Variants in NKX1-1 observed in about 807,000 individuals in gnomAD.
NKX1-1 encodes NK1 homeobox 1.
NKX1-1 carries 7 observed loss-of-function variants against 1.7 expected under a neutral mutation model. The ratio of observed to expected loss-of-function variants is 4.22; its 90% confidence interval spans 2.40 to 7.92. NKX1-1 has a LOEUF of 7.92. Ranked by LOEUF, NKX1-1 falls within the 30% of genes most tolerant of loss-of-function variation. The pLI is 0.00. For missense variants in NKX1-1, 453 were observed against 171.5 expected (o/e 2.64, Z -9.17); for synonymous variants, 242 against 85.3 (o/e 2.84, Z -10.13).
In NKX1-1 at chr4:1,403,000, C is replaced by G. The variant is rs1413292924; in HGVS notation, c.1279G>C (p.Val427Leu). The G allele has an allele frequency of 1.5e-6, 1 of 645,282 alleles. No individual in the cohort carries two copies. The highest frequency in any genetic ancestry group is 2.8e-6 in the Non-Finnish European group (1 of 361,120). 40.0% of individuals were successfully genotyped at this position (645,282 alleles called of 1,614,324 possible). A position where few individuals can be genotyped will look rare whatever the true frequency, so the allele number is the denominator to read the frequency against. The change falls in exon 2 of 2, where the codon GTG becomes CTG. Residue 427 changes from valine to leucine, a missense_variant. Physicochemically the swap from Val to Leu is conservative, Grantham distance 32. Coordinates refer to ENST00000422806, the MANE Select transcript of NKX1-1 (RefSeq NM_001290079.1). ...GAGCCCAGCACGAAGGGCGAGAGCA[C>G]CGCCGGGCTCGACAGGAACGGCAGC... ...AQLPFLSSPA[V>L]LSPFVLGSQT...
At position 1,403,737 on chromosome 4, in the gene NKX1-1, C is replaced by T. The variant is rs995111487; in HGVS notation, c.542G>A (p.Ser181Asn). The stretch of plus-strand genomic sequence containing the variant: ...CTCGTCCCCGCTGTCCGCGCTCGGG[C>T]TGTGGCCGCCGCCGCCGCTGCTGTA... ...NGYSSGGGGH[S>N]PSADSGDEVP... Residue 181 changes from serine to asparagine, a missense_variant, in exon 2 of 2, where the codon AGC becomes AAC. Ser to Asn is a conservative substitution (Grantham distance 46). Coordinates refer to ENST00000422806, the MANE Select transcript of NKX1-1 (RefSeq NM_001290079.1). 3 of 686,662 alleles carry T rather than the reference C, an allele frequency of 4.4e-6. No individual in the cohort carries two copies. Among genetic ancestry groups the T allele is most frequent in the Non-Finnish European group, 7.9e-6 (3 of 379,638 alleles). The allele number at this position is 686,662 out of a possible 1,614,324, so 42.5% of individuals were successfully genotyped here.
rs1228219077 is a variant in NKX1-1 at position 1,403,617 on chromosome 4, C to T, written c.662G>A (p.Gly221Glu). The T allele has an allele frequency of 6.0e-6, 3 of 500,130 alleles. No individual in the cohort carries two copies. The highest frequency in any genetic ancestry group is 1.0e-5 in the Non-Finnish European group (3 of 290,140). The allele number at this position is 500,130 out of a possible 1,614,324, so 31.0% of individuals were successfully genotyped here. A position where few individuals can be genotyped will look rare whatever the true frequency, so the allele number is the denominator to read the frequency against. The change falls in exon 2 of 2, where the codon GGG (glycine) becomes GAG (glutamate). Residue 221 changes from glycine to glutamate, a missense_variant. Physicochemically the swap from Gly to Glu is moderately conservative, Grantham distance 98. Transcript: ENST00000422806. ...GCCCTGGCAACCCGACCCGCGGGCC[C>T]CGAGGCCGCCGCCGCCTCCCCGCGC... Reference protein sequence around the residue: ...EEARGGGGGLGARGSGCQGAA... With the variant: ...EEARGGGGGLEARGSGCQGAA...
In NKX1-1 at chr4:1,403,179, C is replaced by A; in HGVS notation, c.1100G>T (p.Gly367Val). ...GADTSAPTGG[G>V]GGPGPGAGPG... ...CCCGGCCCCCGGTCCCGGTCCGCCC[C>A]CGCCGCCGGTCGGAGCGCTGGTGTC... Residue 367 changes from glycine (G) to valine (V), a missense_variant, in exon 2 of 2, where the codon GGG becomes GTG. Coordinates refer to ENST00000422806, the MANE Select transcript of NKX1-1 (RefSeq NM_001290079.1). The A allele has an allele frequency of 1.6e-6, 1 of 639,976 alleles. No individual in the cohort carries two copies. The highest frequency in any genetic ancestry group is 2.9e-6 in the Non-Finnish European group (1 of 350,288). The allele number at this position is 639,976 out of a possible 1,614,324, so 39.6% of individuals were successfully genotyped here. A position where few individuals can be genotyped will look rare whatever the true frequency, so the allele number is the denominator to read the frequency against.
chr4:1,404,089 C>T (rs1235090865), intron 1 of NKX1-1, among the ~76,000 whole-genome samples: 1 of 152,158 alleles, frequency 6.6e-6, no homozygotes, highest in East Asian at 1.9e-4. Context: ...TGCCCGTTCT[C>T]GCGGCGCCGG....
Position 1,403,501 on chromosome 4 carries a change from G to C in NKX1-1, c.778C>G (p.Pro260Ala), listed in dbSNP as rs1348735392. 1 of 525,984 alleles carries C rather than the reference G, an allele frequency of 1.9e-6. No individual in the cohort carries two copies. Among genetic ancestry groups the C allele is most frequent in the Non-Finnish European group, 3.3e-6 (1 of 302,018 alleles). The allele number at this position is 525,984 out of a possible 1,614,324, so 32.6% of individuals were successfully genotyped here. A position where few individuals can be genotyped will look rare whatever the true frequency, so the allele number is the denominator to read the frequency against. The stretch of plus-strand genomic sequence containing the variant: ...CCCCCCGGCGCCGCTGCACCTCCCG[G>C]TGGGCCCTGGGCAACGGGCGAGTTC... The part of the protein sequence containing the change: ...RENSPVAQGP[P>A]GGAAAPGGAG... Residue 260 changes from proline to alanine, a missense_variant, in exon 2 of 2, where the codon CCG becomes GCG. Pro to Ala is a conservative substitution (Grantham distance 27, BLOSUM62 -1). Transcript: ENST00000422806.
intron 1 of NKX1-1, among the ~76,000 whole-genome samples, chr4:1,404,077 G>C (rs1392008411): frequency 2.6e-5 from 4 of 152,128 alleles, no homozygotes; most frequent in Non-Finnish European, 5.9e-5. Flanking sequence ...CTCGCCCCGC[G>C]CTGCCCGTTC....
chr4:1,403,931 C>T (rs753736528), intron 1 of NKX1-1, 116 bp from the exon 2 acceptor site: 154 of 481,630 alleles, frequency 3.2e-4, no homozygotes, highest in Non-Finnish European at 4.9e-4. Flanking sequence ...CCCTGCTCAG[C>T]GCCTCCTGCT....
chr4:1,406,347 G>C lies in NKX1-1; in HGVS notation c.96C>G (p.Ala32=). The C allele has an allele frequency of 2.7e-6, 1 of 374,700 alleles. No individual in the cohort carries two copies. The highest frequency in any genetic ancestry group is 4.7e-6 in the Non-Finnish European group (1 of 212,124). The allele number at this position is 374,700 out of a possible 1,614,324, so 23.2% of individuals were successfully genotyped here. A position where few individuals can be genotyped will look rare whatever the true frequency, so the allele number is the denominator to read the frequency against. The change falls in exon 1 of 2, where the codon GCC becomes GCG. Residue 32 remains alanine, a synonymous_variant. Transcript: ENST00000422806. The part of the protein sequence containing the change: ...GSGPAPPAPA[A]AAQEAMDGRA... ...GCCCGTCCATAGCTTCCTGGGCAGCGGCGGCGGGAGCGGGCGGTGCGGGCC... is the reference window on the plus strand; with the variant it reads ...GCCCGTCCATAGCTTCCTGGGCAGCCGCGGCGGGAGCGGGCGGTGCGGGCC...
At chr4:1,405,883 G>A (rs950462306) in intron 1 of NKX1-1, 97 bp downstream of exon 1, 4 of 404,820 alleles carry the variant, frequency 9.9e-6, no homozygotes, top group Non-Finnish European at 1.7e-5. Context: ...CTCGGCGTGG[G>A]CCAGACCCAA....
At chr4:1,405,940 C>T (rs909379309) in intron 1 of NKX1-1, 40 bp downstream of exon 1, 6 of 444,314 alleles carry the variant, frequency 1.4e-5, no homozygotes, top group Non-Finnish European at 7.9e-6. Context: ...GCCTCCGGTC[C>T]CCCGTCCCTG....
In NKX1-1 at chr4:1,403,212, G is replaced by C. The variant is rs1479307619; in HGVS notation, c.1067C>G (p.Pro356Arg). The C allele has an allele frequency of 2.8e-6, 2 of 711,876 alleles. No homozygotes were observed. Among genetic ancestry groups the C allele is most frequent in the Admixed American group, 3.9e-5 (2 of 51,050 alleles). 44.1% of individuals were successfully genotyped at this position (711,876 alleles called of 1,614,324 possible). A position where few individuals can be genotyped will look rare whatever the true frequency, so the allele number is the denominator to read the frequency against. Residue 356 changes from proline to arginine, a missense_variant, in exon 2 of 2, where the codon CCG becomes CGG. Coordinates refer to ENST00000422806, the MANE Select transcript of NKX1-1 (RefSeq NM_001290079.1). Reference sequence around the variant, plus strand: ...GGTCGGAGCGCTGGTGTCGGCGCCCGGGTTCTGCTTCTTCCACTTGGTTCG... The same window carrying C: ...GGTCGGAGCGCTGGTGTCGGCGCCCCGGTTCTGCTTCTTCCACTTGGTTCG... ...NRRTKWKKQN[P>R]GADTSAPTGG...
intron 1 of NKX1-1, among the ~76,000 whole-genome samples, chr4:1,404,396 G>A (rs1308332332): frequency 6.6e-6 from 1 of 152,188 alleles, no homozygotes. Flanking sequence ...CCCTGGCCCC[G>A]ACCCTACCTC....
chr4:1,403,392 G>A lies in NKX1-1; in HGVS notation c.887C>T (p.Pro296Leu). The change falls in exon 2 of 2, where the codon CCG becomes CTG. Residue 296 changes from proline (P) to leucine (L), a missense_variant. Transcript: ENST00000422806. ...GGTGAAGGCGGTGCGCGCTCGCCGC[G>A]GCTTCCCGGACTTGGAGTCGGACCC... ...RTGSDSKSGK[P>L]RRARTAFTYE... 1.5e-6 allele frequency: 1 copy of A among 684,378 alleles called. No individual in the cohort carries two copies. Among genetic ancestry groups the A allele is most frequent in the Non-Finnish European group, 2.6e-6 (1 of 383,430 alleles). 42.4% of individuals were successfully genotyped at this position (684,378 alleles called of 1,614,324 possible).
chr4:1,406,056 C>A lies in NKX1-1; in HGVS notation c.387G>T (p.Pro129=). The A allele has an allele frequency of 2.0e-6, 1 of 491,214 alleles. No homozygotes were observed. Among genetic ancestry groups the A allele is most frequent in the Non-Finnish European group, 3.5e-6 (1 of 284,456 alleles). 30.4% of individuals were successfully genotyped at this position (491,214 alleles called of 1,614,324 possible). Reference sequence around the variant, plus strand: ...GGCGCTCCAGCTCCTCCGCGCGTGGCGGGCGTCCCGAGGCGGCGGGTGCAG... The same window carrying A: ...GGCGCTCCAGCTCCTCCGCGCGTGGAGGGCGTCCCGAGGCGGCGGGTGCAG... The part of the protein sequence containing the change: ...CAPAPAASGR[P]PRAEELERRA... The change falls in exon 1 of 2, where the codon CCG becomes CCT. Residue 129 remains proline (P), a synonymous_variant. Coordinates refer to ENST00000422806, the MANE Select transcript of NKX1-1 (RefSeq NM_001290079.1).
rs919892117 is a variant in NKX1-1, at chr4:1,403,094, G to A, written c.1185C>T (p.Ala395=). The change falls in exon 2 of 2, where the codon GCC becomes GCT. Residue 395 remains alanine (A), a synonymous_variant. Transcript: ENST00000422806. ...CGGCCGGGCCGTGCATGCCGAGCGG[G>A]GCGCCCATGGGCGGCGAGGGGCTGA... is the stretch of plus-strand genomic sequence containing the variant. ...SPLSPSPPMG[A]PLGMHGPAGY... is the part of the protein sequence containing the mutation. 18 of 438,836 alleles carry A rather than the reference G, an allele frequency of 4.1e-5. No individual in the cohort carries two copies. In the Admixed American group the frequency reaches 6.3e-4, roughly 15 times the overall value. The allele number at this position is 438,836 out of a possible 1,614,324, so 27.2% of individuals were successfully genotyped here.
intron 1 of NKX1-1, among the ~76,000 whole-genome samples, chr4:1,404,092 G>A (rs1456025998): frequency 6.6e-6 from 1 of 152,140 alleles, no homozygotes; most frequent in African/African-American, 2.4e-5. Context: ...CCGTTCTCGC[G>A]GCGCCGGGCG....
chr4:1,405,228 G>A (rs1230504518), intron 1 of NKX1-1, among the ~76,000 whole-genome samples: 1 of 152,244 alleles, frequency 6.6e-6, no homozygotes, highest in East Asian at 1.9e-4. Context: ...GCTTCAGTAG[G>A]GCCGGAAAGT....
chr4:1,405,475 G>A (rs189348441), intron 1 of NKX1-1, among the ~76,000 whole-genome samples: 1 of 152,234 alleles, frequency 6.6e-6, no homozygotes, highest in South Asian at 2.1e-4. Flanking sequence ...GCCGCTTTCC[G>A]CCGCTAAGCA....
Position 1,405,996 on chromosome 4 carries a change from G to T in NKX1-1, c.447C>A (p.Ala149=), listed in dbSNP as rs1040744497. 3 of 473,618 alleles carry T rather than the reference G, an allele frequency of 6.3e-6. No homozygotes were observed. In the East Asian group the frequency reaches 1.0e-4, roughly 17 times the overall value. 29.3% of individuals were successfully genotyped at this position (473,618 alleles called of 1,614,324 possible). The change falls in exon 1 of 2, where the codon GCC becomes GCA. Residue 149 remains alanine (A), a synonymous_variant. Coordinates refer to ENST00000422806, the MANE Select transcript of NKX1-1 (RefSeq NM_001290079.1). ...CCTACTCACTCGGCGGCTCAGCTCC[G>T]GCGGCTCCGACTCCCCCGGCGCCGG... ...ALAGAGGVGA[A]GAEPPNAGDP... is the part of the protein sequence containing the mutation.
Sources: allele counts gnomAD v4.1 joint callset (sites outside exome capture counted in the v4.1 genomes callset), GRCh38; gene constraint gnomAD v4.1.1; transcripts MANE v1.5; gene names NCBI Gene and HGNC (gene_info 2026-07-23, HGNC 2026-07-21).